GALNT2: variants seen among roughly 807,000 people sequenced by gnomAD.
The protein encoded by GALNT2 is UDP-GalNAc:polypeptide N-acetylgalactosaminyltransferase 2.
GALNT2 carries 31 observed loss-of-function variants against 81.4 expected under a neutral mutation model. The ratio of observed to expected loss-of-function variants is 0.38; its 90% CI spans 0.29 to 0.51. The LOEUF (loss-of-function observed/expected upper bound fraction) is 0.51, where lower values mean the gene tolerates loss of function less well. GALNT2 is among the 20% of genes least tolerant of loss of function. The probability of loss-of-function intolerance (pLI) is 0.87; values close to 1 mark genes in which losing one functional copy is unlikely to be tolerated. For missense variants in GALNT2, 629 were observed against 765.7 expected, an observed-to-expected ratio of 0.82 and a Z score of 2.11; for synonymous variants, 303 against 287.4, an observed-to-expected ratio of 1.05 and a Z score of -0.55.
intron 2 of GALNT2, among the ~76,000 whole-genome samples, chr1:230,187,957 G>A (rs1482200453): frequency 6.7e-6 from 1 of 148,710 alleles, no homozygotes; most frequent in Non-Finnish European, 1.5e-5. Flanking sequence ...GGTGGGGCGG[G>A]CCGGGGTGGT....
chr1:230,068,284 G>C (rs1659265692), intron 1 of GALNT2, among the ~76,000 whole-genome samples: 1 of 152,228 alleles, frequency 6.6e-6, no homozygotes, highest in Non-Finnish European at 1.5e-5. Context: ...CTGGGCATTC[G>C]GGAGGATGGT....
At chr1:230,157,284 G>A (rs1662287319) in intron 1 of GALNT2, among the ~76,000 whole-genome samples, 1 of 152,178 alleles carries the variant, frequency 6.6e-6, no homozygotes, top group Non-Finnish European at 1.5e-5. Context: ...GCTGCATTAT[G>A]TCACTATACA....
chr1:230,149,160 C>T (rs568843743), intron 1 of GALNT2, among the ~76,000 whole-genome samples: 25 of 152,338 alleles, frequency 1.6e-4, no homozygotes, highest in Admixed American at 5.9e-4. Context: ...AGATTACAGG[C>T]GTGAGCCACT....
At chr1:230,102,957 G>A (rs1660444896) in intron 1 of GALNT2, among the ~76,000 whole-genome samples, 1 of 152,200 alleles carries the variant, frequency 6.6e-6, no homozygotes, top group African/African-American at 2.4e-5. Context: ...GACTCTGCAT[G>A]TGACCAGTAG....
At chr1:230,184,698 A>G (rs1340467408) in intron 2 of GALNT2, among the ~76,000 whole-genome samples, 2 of 152,064 alleles carry the variant, frequency 1.3e-5, no homozygotes, top group Admixed American at 1.3e-4. Context: ...TGAATATGAT[A>G]TGCCTCAGTG....
chr1:230,152,732 T>TG (rs1024138560), intron 1 of GALNT2, among the ~76,000 whole-genome samples: 14 of 152,310 alleles, frequency 9.2e-5, no homozygotes, highest in South Asian at 2.1e-4. Flanking sequence ...TTTGTGTGAG[T>TG]GGGACACTCC....
upstream of GALNT2, chr1:230,067,131 C>T (rs1370923154): frequency 4.2e-6 from 1 of 238,792 alleles, no homozygotes; most frequent in African/African-American, 2.3e-5. Flanking sequence ...GAGTGCGCGC[C>T]GCCGCCGAGC....
intron 1 of GALNT2, among the ~76,000 whole-genome samples, chr1:230,158,332 T>C (rs1272967596): frequency 6.6e-6 from 1 of 152,218 alleles, no homozygotes; most frequent in African/African-American, 2.4e-5. Context: ...GGTTGTAGGA[T>C]TCTGGAGAGA....
chr1:230,265,287 A>G lies in GALNT2; in HGVS notation c.1360A>G (p.Thr454Ala). The G allele has an allele frequency of 6.2e-7, 1 of 1,614,226 alleles. No individual in the cohort carries two copies. The highest frequency in any genetic ancestry group is 8.5e-7 in the Non-Finnish European group (1 of 1,180,036). ...AGCTTTTGGGGCCTTGCAGCAGGGA[A>G]CTAACTGCCTCGACACTTTGGGACA... ...DIAFGALQQG[T>A]NCLDTLGHFA... Residue 454 changes from threonine to alanine, a missense_variant, in exon 14 of 16, where the codon ACT (threonine) becomes GCT (alanine). Physicochemically the swap from Thr to Ala is moderately conservative, Grantham distance 58. This residue lies in a region of GALNT2 where 207 missense variants were observed against 225.5 expected (regional missense o/e 0.92). Transcript: ENST00000366672.
chr1:230,116,256 A>T (rs967452698), intron 1 of GALNT2, among the ~76,000 whole-genome samples: 8 of 151,782 alleles, frequency 5.3e-5, no homozygotes, highest in Admixed American at 1.3e-4. Context: ...TTTGAGACAG[A>T]GTCTCGCTAT....
chr1:230,276,101 A>T (rs1666301100), intron 15 of GALNT2, among the ~76,000 whole-genome samples: 1 of 151,566 alleles, frequency 6.6e-6, no homozygotes, highest in East Asian at 1.9e-4. Flanking sequence ...ATATAAACAC[A>T]TATATACATA....
chr1:230,268,286 G>A (rs1014865522), intron 14 of GALNT2: 2 of 151,536 alleles, frequency 1.3e-5, no homozygotes, highest in Middle Eastern at 3.1e-3. Flanking sequence ...ATTCGTGTAG[G>A]GTTGGGTGAA....
chr1:230,114,516 C>T (rs575800581), intron 1 of GALNT2, among the ~76,000 whole-genome samples: 4 of 152,304 alleles, frequency 2.6e-5, no homozygotes, highest in East Asian at 1.9e-4. Context: ...GGATTCTCAG[C>T]GAGAGGAGGG....
intron 1 of GALNT2, among the ~76,000 whole-genome samples, chr1:230,123,297 A>C (rs756484592): frequency 7.9e-5 from 12 of 152,334 alleles, no homozygotes; most frequent in Non-Finnish European, 1.6e-4. Flanking sequence ...TCCAAAAAAC[A>C]AATGTGCTTT....
intron 3 of GALNT2, among the ~76,000 whole-genome samples, chr1:230,210,132 C>T (rs1391156835): frequency 1.3e-5 from 2 of 152,142 alleles, no homozygotes; most frequent in African/African-American, 2.4e-5. Flanking sequence ...AACTCCTTTC[C>T]AGGAGGGTTT....
chr1:230,123,049 G>A (rs2102803565), intron 1 of GALNT2, among the ~76,000 whole-genome samples: 1 of 152,306 alleles, frequency 6.6e-6, no homozygotes, highest in East Asian at 1.9e-4. Context: ...CAGAACAAGT[G>A]TATTCAAAGT....
rs1923950 is a variant in GALNT2, at chr1:230,249,224, G to A, written c.858G>A (p.Thr286=). ...TGGTATTCAAGTGGGATTACATGAC[G>A]CCTGAGCAGAGAAGGTCCCGGCAGG... The part of the protein sequence containing the change: ...WNLVFKWDYM[T]PEQRRSRQGN... The change falls in exon 9 of 16, where the codon ACG becomes ACA. Residue 286 remains threonine, a synonymous_variant. Coordinates refer to ENST00000366672, the MANE Select transcript of GALNT2 (RefSeq NM_004481.5). 0.15 allele frequency: 242,807 copies of A among 1,613,502 alleles called. 18,890 individuals carry two copies. Among genetic ancestry groups the A allele is most frequent in the Non-Finnish European group, 0.16 (185,816 of 1,179,638 alleles).
chr1:230,272,929 C>T (rs769284875), intron 14 of GALNT2, among the ~76,000 whole-genome samples: 7 of 152,068 alleles, frequency 4.6e-5, no homozygotes, highest in African/African-American at 9.7e-5. Context: ...CTGCCACACC[C>T]GGTCAACTTA....
chr1:230,249,123 G>C (rs1275336024), intron 8 of GALNT2, 61 bp from the exon 9 acceptor site: 20 of 1,418,246 alleles, frequency 1.4e-5, no homozygotes, highest in Non-Finnish European at 1.7e-5. Context: ...TGAGGAATGG[G>C]GGTGTCGGGA....
Sources: gnomAD v4.1 joint callset for allele counts (sites outside exome capture counted in the v4.1 genomes callset) on GRCh38, gnomAD v4.1.1 for gene constraint, gnomAD v4.1.1 regional missense constraint, MANE v1.5 for transcripts, NCBI Gene and HGNC (gene_info 2026-07-23, HGNC 2026-07-21) for gene names.